The following KCNIP4 variants were observed in gnomAD, a reference collection of about 807,000 sequenced individuals.
KCNIP4 encodes the protein Kv channel-interacting protein 4.
KCNIP4 carries 12 observed loss-of-function variants against 34.0 expected under a neutral mutation model. That is an observed-to-expected ratio of 0.35 (90% CI 0.23 to 0.57). KCNIP4 has a LOEUF of 0.57. Ranked by LOEUF, KCNIP4 falls within the 20% of genes least tolerant of loss-of-function variation. The pLI is 0.83. For missense variants in KCNIP4, 238 were observed against 311.7 expected (o/e 0.76, Z 1.78); for synonymous variants, 124 against 102.2 (o/e 1.21, Z -1.29).
intron 1 of KCNIP4, among the ~76,000 whole-genome samples, chr4:21,926,129 T>C (rs773788428): frequency 6.6e-6 from 1 of 152,240 alleles, no homozygotes; most frequent in Non-Finnish European, 1.5e-5. Context: ...CACTGAGCTA[T>C]ATACAGCCAA....
intron 1 of KCNIP4, among the ~76,000 whole-genome samples, chr4:21,836,070 G>T (rs1221293049): frequency 6.6e-6 from 1 of 152,074 alleles, no homozygotes; most frequent in Non-Finnish European, 1.5e-5. Flanking sequence ...CTCTTTGGGT[G>T]GACTGGTTGT....
At chr4:20,876,413 G>C (rs921752248) in intron 2 of KCNIP4, among the ~76,000 whole-genome samples, 7 of 152,122 alleles carry the variant, frequency 4.6e-5, no homozygotes, top group African/African-American at 1.7e-4. Context: ...TTAAAAAAGT[G>C]TTTGTGCTTA....
chr4:21,738,323 T>G (rs1375959037), intron 1 of KCNIP4, among the ~76,000 whole-genome samples: 1 of 152,096 alleles, frequency 6.6e-6, no homozygotes, highest in Non-Finnish European at 1.5e-5. Flanking sequence ...CTGTTTAAAT[T>G]AAATGAAATG....
intron 1 of KCNIP4, among the ~76,000 whole-genome samples, chr4:21,013,575 C>T (rs1739252949): frequency 6.6e-6 from 1 of 152,124 alleles, no homozygotes; most frequent in Non-Finnish European, 1.5e-5. Context: ...CTACTGCAGC[C>T]TTGACACTGG....
At chr4:20,752,990 G>A (rs1176325802) in intron 4 of KCNIP4, 4 of 152,100 alleles carry the variant, frequency 2.6e-5, no homozygotes, top group South Asian at 2.1e-4. Flanking sequence ...TGACCTCTTC[G>A]TGATCACATT....
intron 1 of KCNIP4, among the ~76,000 whole-genome samples, chr4:21,461,597 G>T (rs943962964): frequency 6.6e-6 from 1 of 151,878 alleles, no homozygotes; most frequent in African/African-American, 2.4e-5. Flanking sequence ...AATTCCAAAG[G>T]TAGAAAAAAA....
At chr4:21,109,765 C>T (rs1748985361) in intron 1 of KCNIP4, among the ~76,000 whole-genome samples, 1 of 152,128 alleles carries the variant, frequency 6.6e-6, no homozygotes. Context: ...GTATATGGAG[C>T]ATTTTGAAAT....
intron 1 of KCNIP4, among the ~76,000 whole-genome samples, chr4:21,466,877 A>T (rs551826214): frequency 5.9e-5 from 9 of 152,240 alleles, no homozygotes; most frequent in African/African-American, 2.2e-4. Flanking sequence ...AAGCAAATCT[A>T]TCTAATCCTG....
intron 1 of KCNIP4, among the ~76,000 whole-genome samples, chr4:21,615,565 C>CAA (rs11443447): frequency 4.4e-4 from 64 of 145,648 alleles, no homozygotes; most frequent in Middle Eastern, 3.5e-3. Context: ...AAAAACAAAA[C>CAA]AAAAAAAAAC....
intron 1 of KCNIP4, among the ~76,000 whole-genome samples, chr4:21,295,952 T>C (rs1025563612): frequency 2.0e-5 from 3 of 148,010 alleles, no homozygotes; most frequent in African/African-American, 7.7e-5. Context: ...ATGAATGAAA[T>C]CCACTACAAC....
intron 1 of KCNIP4, among the ~76,000 whole-genome samples, chr4:21,547,387 C>T (rs1021405357): frequency 2.0e-5 from 3 of 152,032 alleles, no homozygotes; most frequent in Admixed American, 6.6e-5. Context: ...TATGTCTGTA[C>T]ATTTATAGAT....
intron 1 of KCNIP4, among the ~76,000 whole-genome samples, chr4:20,898,384 A>C (rs1431189487): frequency 1.3e-5 from 2 of 152,308 alleles, no homozygotes; most frequent in South Asian, 4.1e-4. Context: ...CTAGCAAACT[A>C]ACAGAGCTAA....
chr4:21,155,120 G>T (rs989382076), intron 1 of KCNIP4, among the ~76,000 whole-genome samples: 2 of 152,188 alleles, frequency 1.3e-5, no homozygotes, highest in Admixed American at 6.5e-5. Context: ...TCACCTTACT[G>T]TAGGATGGTG....
intron 6 of KCNIP4, 34 bp from the exon 7 acceptor site, chr4:20,732,819 C>T (rs1226161590): frequency 7.9e-7 from 1 of 1,266,622 alleles, no homozygotes; most frequent in Non-Finnish European, 1.2e-6. Flanking sequence ...TGAGGCTGCA[C>T]ACATGTATGA....
chr4:21,233,351 A>G (rs963468749), intron 1 of KCNIP4, among the ~76,000 whole-genome samples: 1 of 152,100 alleles, frequency 6.6e-6, no homozygotes, highest in East Asian at 1.9e-4. Context: ...GATGTCTACT[A>G]AATACTTCCT....
At chr4:21,274,881 AT>A (rs398063342) in intron 1 of KCNIP4, among the ~76,000 whole-genome samples, 51 of 83,250 alleles carry the variant, frequency 6.1e-4, no homozygotes, top group African/African-American at 2.0e-3. Context: ...TGTTAATTTG[AT>A]TTTTTTTCTT....
chr4:21,370,832 T>TAC (rs1720312843), intron 1 of KCNIP4, among the ~76,000 whole-genome samples: 1 of 32,254 alleles, frequency 3.1e-5, no homozygotes, highest in Non-Finnish European at 5.0e-5. Flanking sequence ...TATATATATA[T>TAC]ATATATATAT....
rs759869306 is a variant in KCNIP4, at chr4:21,343,911, G to A, written c.62-461202C>T. On this transcript the variant is annotated intron_variant, in intron 1 of 8. Coordinates refer to ENST00000382152, the MANE Select transcript of KCNIP4 (RefSeq NM_025221.6). ...CATTAAATTATCACAACCACACTCC[G>A]AGGTAGATGCTATGAGACCCATTTT... Among the ~76,000 whole-genome samples, 2 of 151,998 alleles carry A rather than the reference G, an allele frequency of 1.3e-5. 1 individual carries two copies. Among genetic ancestry groups the A allele is most frequent in the South Asian group, 4.1e-4 (2 of 4,824 alleles).
chr4:21,321,960 G>A (rs1222215828), intron 1 of KCNIP4, among the ~76,000 whole-genome samples: 1 of 144,408 alleles, frequency 6.9e-6, no homozygotes, highest in African/African-American at 2.6e-5. Flanking sequence ...GAGAGAAAAG[G>A]AGGGAAAGAG....
Sources: allele counts gnomAD v4.1 joint callset (sites outside exome capture counted in the v4.1 genomes callset), GRCh38; gene constraint gnomAD v4.1.1; transcripts MANE v1.5; gene names NCBI Gene and HGNC (gene_info 2026-07-23, HGNC 2026-07-21).